SLC4A4: variants seen among roughly 807,000 people sequenced by gnomAD.
SLC4A4 encodes the protein electrogenic sodium bicarbonate cotransporter 1.
In SLC4A4, 27 loss-of-function variants were observed where a neutral mutation model predicts 111.5. That is an observed-to-expected ratio of 0.24 (90% confidence interval 0.18 to 0.33). The LOEUF (loss-of-function observed/expected upper bound fraction) is 0.33, where lower values mean the gene tolerates loss of function less well. Ranked by LOEUF, SLC4A4 falls within the 10% of genes least tolerant of loss-of-function variation. The pLI, the probability that SLC4A4 is intolerant of heterozygous loss-of-function variation, is 1.00. For missense variants in SLC4A4, 909 were observed against 1,315.5 expected (o/e 0.69, Z 4.78); for synonymous variants, 443 against 463.4 (o/e 0.96, Z 0.57).
chr4:71,377,783 T>C (rs1177544190), intron 6 of SLC4A4, among the ~76,000 whole-genome samples: 1 of 152,130 alleles, frequency 6.6e-6, no homozygotes, highest in Non-Finnish European at 1.5e-5. Context: ...ACAGAAATAA[T>C]ACATCATGTT....
At chr4:71,549,260 C>T (rs1345100860) in intron 20 of SLC4A4, among the ~76,000 whole-genome samples, 1 of 151,832 alleles carries the variant, frequency 6.6e-6, no homozygotes, top group African/African-American at 2.4e-5. Context: ...TATGTTCTTC[C>T]GTTATCCTAT....
intron 6 of SLC4A4, among the ~76,000 whole-genome samples, chr4:71,382,156 A>G (rs1212004696): frequency 6.6e-6 from 1 of 152,042 alleles, no homozygotes; most frequent in African/African-American, 2.4e-5. Context: ...TAAGGAGTGA[A>G]TGTAATTTTT....
At chr4:71,495,878 C>A (rs1369576580) in intron 15 of SLC4A4, among the ~76,000 whole-genome samples, 2 of 152,084 alleles carry the variant, frequency 1.3e-5, no homozygotes, top group African/African-American at 2.4e-5. Context: ...TAAGCTGAGA[C>A]ACCCAGTCCC....
At chr4:71,349,631 G>A (rs1174442206) in intron 4 of SLC4A4, among the ~76,000 whole-genome samples, 2 of 152,068 alleles carry the variant, frequency 1.3e-5, no homozygotes, top group Non-Finnish European at 2.9e-5. Context: ...TGGTCTTAAG[G>A]ATCTCATGGT....
At chr4:71,366,581 T>C (rs919504489) in intron 6 of SLC4A4, among the ~76,000 whole-genome samples, 6 of 152,182 alleles carry the variant, frequency 3.9e-5, no homozygotes, top group Non-Finnish European at 8.8e-5. Flanking sequence ...ACCTTGTTTA[T>C]ACCTGAAGTC....
chr4:71,509,864 G>T (rs1471572801), intron 16 of SLC4A4, among the ~76,000 whole-genome samples: 1 of 152,192 alleles, frequency 6.6e-6, no homozygotes, highest in Non-Finnish European at 1.5e-5. Context: ...TGGGGTTGTG[G>T]TGCTGCAGGC....
At chr4:71,527,361 T>C (rs1733507533) in intron 16 of SLC4A4, among the ~76,000 whole-genome samples, 2 of 152,040 alleles carry the variant, frequency 1.3e-5, no homozygotes, top group Admixed American at 1.3e-4. Context: ...TGCTGACCAA[T>C]TAGATGTGGG....
At chr4:71,356,904 A>G in intron 5 of SLC4A4, 104 bp from the exon 6 acceptor site, 1 of 1,038,792 alleles carries the variant, frequency 9.6e-7, no homozygotes, top group Non-Finnish European at 1.4e-6. Flanking sequence ...AGAAAACAAT[A>G]TCTTGCTATT....
intron 16 of SLC4A4, among the ~76,000 whole-genome samples, chr4:71,515,874 T>C (rs1311883452): frequency 1.3e-5 from 2 of 152,068 alleles, no homozygotes; most frequent in African/African-American, 4.8e-5. Context: ...GGTGAGTTTC[T>C]TATAAGTAGC....
intron 1 of SLC4A4, among the ~76,000 whole-genome samples, chr4:71,086,111 GT>G (rs1742159193): frequency 6.6e-6 from 1 of 151,276 alleles, no homozygotes; most frequent in Admixed American, 6.6e-5. Context: ...CCTTGAAGAG[GT>G]CCTTCACGTC....
intron 3 of SLC4A4, among the ~76,000 whole-genome samples, chr4:71,326,194 T>C (rs1018081203): frequency 6.6e-6 from 1 of 151,898 alleles, no homozygotes; most frequent in Admixed American, 6.6e-5. Flanking sequence ...CTGGGGAATA[T>C]GAATGGAAAA....
intron 3 of SLC4A4, among the ~76,000 whole-genome samples, chr4:71,281,763 G>T (rs1205547636): frequency 6.6e-6 from 1 of 152,106 alleles, no homozygotes; most frequent in Non-Finnish European, 1.5e-5. Context: ...TGGGTTATTG[G>T]CAGATTCTTC....
At chr4:71,479,675 G>A (rs1728693312) in intron 14 of SLC4A4, among the ~76,000 whole-genome samples, 1 of 151,744 alleles carries the variant, frequency 6.6e-6, no homozygotes. Flanking sequence ...AAACAAGGAA[G>A]TATAAGTTCT....
intron 2 of SLC4A4, among the ~76,000 whole-genome samples, chr4:71,141,466 C>T (rs967303019): frequency 2.0e-5 from 3 of 152,146 alleles, no homozygotes; most frequent in African/African-American, 7.2e-5. Context: ...ATCTCAGAAG[C>T]TGTGTATTTC....
At chr4:71,225,321 C>T (rs893697288) in intron 1 of SLC4A4, among the ~76,000 whole-genome samples, 8 of 151,764 alleles carry the variant, frequency 5.3e-5, no homozygotes, top group African/African-American at 1.9e-4. Context: ...CACTGCACTC[C>T]AGCCTGGGTG....
Position 71,497,589 on chromosome 4 carries a change from T to C in SLC4A4, c.2063T>C (p.Phe688Ser), listed in dbSNP as rs763319653. Residue 688 changes from phenylalanine to serine, a missense_variant, in exon 16 of 26, where the codon TTT becomes TCT. Physicochemically the swap from Phe to Ser is radical, Grantham distance 155 (BLOSUM62 -2). Transcript: ENST00000264485. The part of the protein sequence containing the change: ...GGNLVGNNCN[F>S]VPDITLMSFI... Reference sequence around the variant, plus strand: ...AACCTCGTCGGGAACAACTGTAATTTTGTTCCTGATATCACACTCATGTCT... The same window carrying C: ...AACCTCGTCGGGAACAACTGTAATTCTGTTCCTGATATCACACTCATGTCT... 1.5e-5 allele frequency: 24 copies of C among 1,613,570 alleles called. No individual in the cohort carries two copies. In the East Asian group the frequency reaches 4.7e-4, roughly 31 times the overall value.
intron 2 of SLC4A4, among the ~76,000 whole-genome samples, chr4:71,151,426 A>G (rs1056475543): frequency 9.2e-5 from 14 of 152,044 alleles, no homozygotes; most frequent in African/African-American, 3.1e-4. Flanking sequence ...GTCCAAGGTG[A>G]TCTCTGATGA....
At chr4:71,517,876 A>T (rs1160049634) in intron 16 of SLC4A4, among the ~76,000 whole-genome samples, 1 of 117,620 alleles carries the variant, frequency 8.5e-6, no homozygotes, top group East Asian at 3.2e-4. Flanking sequence ...TTGTGTAAAC[A>T]GGTGAGTGCA....
At chr4:71,497,466 T>C in intron 15 of SLC4A4, 35 bp from the exon 16 acceptor site, 1 of 1,566,514 alleles carries the variant, frequency 6.4e-7, no homozygotes, top group Non-Finnish European at 8.8e-7. Flanking sequence ...TATGTCAATG[T>C]TCTCTAGAAA....
Sources: gnomAD v4.1 joint callset for allele counts (sites outside exome capture counted in the v4.1 genomes callset) on GRCh38, gnomAD v4.1.1 for gene constraint, MANE v1.5 for transcripts, NCBI Gene and HGNC (gene_info 2026-07-23, HGNC 2026-07-21) for gene names.